The following PCDHA6 variants were observed in gnomAD, a reference collection of about 807,000 sequenced individuals.
PCDHA6 encodes the protein protocadherin alpha 6, also known as protocadherin alpha-6.
PCDHA6 carries 55 observed loss-of-function variants against 60.3 expected under a neutral mutation model. The observed-to-expected ratio is 0.91, with a 90% CI of 0.73 to 1.14. PCDHA6 has a LOEUF of 1.14. PCDHA6 is among the 50% of genes most tolerant of loss of function. The pLI is 0.00. For missense variants in PCDHA6, 1,327 were observed against 1,256.5 expected (o/e 1.06, Z -0.85); for synonymous variants, 652 against 557.9 (o/e 1.17, Z -2.38).
chr5:140,858,066 AG>A, intron 1 of PCDHA6: 1 of 1,597,600 alleles, frequency 6.3e-7, no homozygotes, highest in Non-Finnish European at 8.6e-7. Flanking sequence ...GAGGGCAGCC[AG>A]GCACCCAAGG....
intron 1 of PCDHA6, among the ~76,000 whole-genome samples, chr5:140,854,895 C>T (rs565255235): frequency 1.1e-4 from 16 of 149,404 alleles, no homozygotes; most frequent in African/African-American, 3.7e-4. Flanking sequence ...ATTTGAAAAG[C>T]GTAAATATAA....
At chr5:140,898,701 A>G (rs1216294301) in intron 1 of PCDHA6, among the ~76,000 whole-genome samples, 2 of 152,102 alleles carry the variant, frequency 1.3e-5, no homozygotes, top group African/African-American at 4.8e-5. Context: ...ATGAACTTTA[A>G]AGTAGTTTTT....
chr5:140,970,157 C>T (rs2096386547), intron 1 of PCDHA6, among the ~76,000 whole-genome samples: 2 of 152,176 alleles, frequency 1.3e-5, no homozygotes, highest in African/African-American at 4.8e-5. Context: ...TCCCAATAGT[C>T]ACCTTTCTTG....
At chr5:140,890,890 T>C (rs2062844225) in intron 1 of PCDHA6, among the ~76,000 whole-genome samples, 1 of 152,192 alleles carries the variant, frequency 6.6e-6, no homozygotes, top group South Asian at 2.1e-4. Context: ...TCAGGGATTA[T>C]TGTCTTTCCA....
intron 1 of PCDHA6, chr5:140,843,593 GTGTGCTC>G: frequency 1.3e-6 from 2 of 1,596,072 alleles, no homozygotes; most frequent in Non-Finnish European, 1.7e-6. Context: ...GCCGCAGAGG[GTGTGCTC>G]TGGTGAGGGG....
At chr5:140,878,516 G>A (rs2057626740) in intron 1 of PCDHA6, among the ~76,000 whole-genome samples, 1 of 152,122 alleles carries the variant, frequency 6.6e-6, no homozygotes. Context: ...CAGTACAGTT[G>A]GTAACCAACT....
At chr5:140,875,922 T>A (rs1554168077) in intron 1 of PCDHA6, 1 of 1,614,200 alleles carries the variant, frequency 6.2e-7, no homozygotes, top group Admixed American at 1.7e-5. Flanking sequence ...CTCTGGACTC[T>A]CATTTTCCTC....
intron 1 of PCDHA6, among the ~76,000 whole-genome samples, chr5:140,894,474 T>C (rs1333675195): frequency 6.6e-6 from 1 of 152,022 alleles, no homozygotes; most frequent in Non-Finnish European, 1.5e-5. Flanking sequence ...TTATTCTTGT[T>C]TTCATCTTAT....
At chr5:140,857,920 G>A (rs2045011675) in intron 1 of PCDHA6, 2 of 1,597,818 alleles carry the variant, frequency 1.3e-6, no homozygotes, top group Non-Finnish European at 1.7e-6. Flanking sequence ...TTCGCGTGGG[G>A]CTGTACACGG....
chr5:140,993,291 C>A (rs961103629), intron 3 of PCDHA6, among the ~76,000 whole-genome samples: 6 of 152,068 alleles, frequency 3.9e-5, no homozygotes, highest in African/African-American at 1.4e-4. Flanking sequence ...CCCAGGGTCA[C>A]AACCTTGCCT....
chr5:140,893,107 G>A (rs1324641421), intron 1 of PCDHA6, among the ~76,000 whole-genome samples: 4 of 152,226 alleles, frequency 2.6e-5, no homozygotes, highest in East Asian at 1.9e-4. Flanking sequence ...ATAATATTCC[G>A]TTGTGCATAT....
intron 1 of PCDHA6, chr5:140,929,124 C>T: frequency 6.2e-7 from 1 of 1,614,166 alleles, no homozygotes; most frequent in Non-Finnish European, 8.5e-7. Flanking sequence ...CCATAGATGT[C>T]ACTACAGTTG....
chr5:140,835,602 T>C, intron 1 of PCDHA6: 2 of 1,613,930 alleles, frequency 1.2e-6, no homozygotes, highest in South Asian at 1.1e-5. Flanking sequence ...TTACTATTCA[T>C]TGGTGCTGGA....
At chr5:140,852,787 T>G in intron 1 of PCDHA6, 1 of 977,880 alleles carries the variant, frequency 1.0e-6, no homozygotes, top group Non-Finnish European at 1.2e-6. Context: ...AATAGAGGGA[T>G]GCTACAGATG....
At chr5:140,856,866 A>G in intron 1 of PCDHA6, 1 of 1,595,900 alleles carries the variant, frequency 6.3e-7, no homozygotes, top group Non-Finnish European at 8.6e-7. Flanking sequence ...GAAGGAATAA[A>G]CAAGGAAATG....
At chr5:140,943,770 A>G (rs1290673049) in intron 1 of PCDHA6, among the ~76,000 whole-genome samples, 16 of 152,384 alleles carry the variant, frequency 1.0e-4, no homozygotes, top group African/African-American at 3.8e-4. Context: ...TAGGAAAAAA[A>G]CTAGGAAGTG....
chr5:140,877,276 G>C, intron 1 of PCDHA6: 2 of 1,613,862 alleles, frequency 1.2e-6, no homozygotes, highest in Non-Finnish European at 1.7e-6. Flanking sequence ...CGCTGACTCC[G>C]GCTATAACGC....
In PCDHA6 at chr5:140,927,655, G is replaced by C. The variant is rs782653279; in HGVS notation, c.2395-51294G>C. On this transcript the variant is annotated intron_variant, in intron 1 of 3. Transcript: ENST00000529310. Reference sequence around the variant, plus strand: ...ACCCAATGGGACTGTGTTATTCCGAGTTCAAGCCTTGGATCCAGATGAAGG... The same window carrying C: ...ACCCAATGGGACTGTGTTATTCCGACTTCAAGCCTTGGATCCAGATGAAGG... The C allele has an allele frequency of 1.2e-5, 20 of 1,614,130 alleles. No individual in the cohort carries two copies. In the Admixed American group the frequency reaches 2.3e-4, roughly 19 times the overall value.
At chr5:140,955,705 T>G (rs1554222053) in intron 1 of PCDHA6, among the ~76,000 whole-genome samples, 1 of 152,232 alleles carries the variant, frequency 6.6e-6, no homozygotes, top group East Asian at 1.9e-4. Context: ...CAATGGAAGT[T>G]TAATAGGAAT....
Sources: allele counts gnomAD v4.1 joint callset (sites outside exome capture counted in the v4.1 genomes callset), GRCh38; gene constraint gnomAD v4.1.1; transcripts MANE v1.5; gene names NCBI Gene and HGNC (gene_info 2026-07-23, HGNC 2026-07-21).